SH3PXD2A: variants seen among roughly 807,000 people sequenced by gnomAD.
SH3PXD2A encodes the protein SH3 and PX domain-containing protein 2A.
A neutral mutation model predicts 115.2 loss-of-function variants in SH3PXD2A; 32 were observed. The observed-to-expected ratio is 0.28, with a 90% confidence interval of 0.21 to 0.37. The LOEUF (loss-of-function observed/expected upper bound fraction) is 0.37. Among genes scored for constraint, SH3PXD2A ranks in the 10% least tolerant of loss-of-function variants. The pLI is 1.00. For missense variants in SH3PXD2A, 1,328 were observed against 1,498.7 expected (o/e 0.89, Z 1.88); for synonymous variants, 610 against 629.1 (o/e 0.97, Z 0.45).
intron 8 of SH3PXD2A, among the ~76,000 whole-genome samples, chr10:103,630,283 C>T (rs577204638): frequency 1.4e-4 from 22 of 152,306 alleles, no homozygotes; most frequent in Admixed American, 9.2e-4. Context: ...TCTCAGGAAC[C>T]CCAGCAGCCT....
In SH3PXD2A at chr10:103,844,711, T is replaced by A. The variant is rs139178582; in HGVS notation, c.72+10484A>T. Among the ~76,000 whole-genome samples, 196 of 152,346 alleles carry A rather than the reference T, an allele frequency of 1.3e-3. 1 individual carries two copies. The highest frequency in any genetic ancestry group is 4.5e-3 in the African/African-American group (188 of 41,578). On this transcript the variant is annotated intron_variant, in intron 1 of 14. Transcript: ENST00000369774. ...CACATCTGCCTGGGTTTGTGCTTTCTTAACAATGCTACCTGCACTCTCCAA... is the reference window on the plus strand; with the variant it reads ...CACATCTGCCTGGGTTTGTGCTTTCATAACAATGCTACCTGCACTCTCCAA...
At chr10:103,702,334 G>A (rs556224405) in intron 5 of SH3PXD2A, among the ~76,000 whole-genome samples, 27 of 152,304 alleles carry the variant, frequency 1.8e-4, no homozygotes, top group Non-Finnish European at 3.4e-4. Flanking sequence ...AAACACCCAC[G>A]AAAAGACAAC....
chr10:103,780,955 C>T (rs1034245087), intron 2 of SH3PXD2A, among the ~76,000 whole-genome samples: 2 of 152,180 alleles, frequency 1.3e-5, no homozygotes, highest in Non-Finnish European at 2.9e-5. Flanking sequence ...GTCACACGCC[C>T]TGCCACCCTT....
In SH3PXD2A at chr10:103,808,944, C is replaced by G. The variant is rs112442381; in HGVS notation, c.73-7582G>C. On this transcript the variant is annotated intron_variant, in intron 1 of 14. Transcript: ENST00000369774. ...GCCAAAGAGGTGGCTAGTAGCAACA[C>G]TTGGAGACTGTCCCCATTCCCAGAA... Among the ~76,000 whole-genome samples, 591 of 152,338 alleles carry G rather than the reference C, an allele frequency of 3.9e-3. 1 individual carries two copies. Among genetic ancestry groups the G allele is most frequent in the African/African-American group, 0.013 (538 of 41,574 alleles).
intron 2 of SH3PXD2A, among the ~76,000 whole-genome samples, chr10:103,782,941 G>T (rs1308572512): frequency 6.6e-6 from 1 of 151,886 alleles, no homozygotes; most frequent in Non-Finnish European, 1.5e-5. Context: ...CTTGGGGGGG[G>T]GGGCTCTCTG....
intron 2 of SH3PXD2A, among the ~76,000 whole-genome samples, chr10:103,778,318 C>T (rs908852610): frequency 5.9e-5 from 9 of 152,150 alleles, no homozygotes; most frequent in Admixed American, 2.6e-4. Flanking sequence ...GGCGATAGAG[C>T]GAGACTCCGT....
At chr10:103,617,352 C>T (rs200046317) in intron 10 of SH3PXD2A, 38 bp from the exon 11 acceptor site, 40 of 1,458,792 alleles carry the variant, frequency 2.7e-5, no homozygotes, top group East Asian at 2.3e-4. Flanking sequence ...TATTTGAGGT[C>T]GGGGTGCAGG....
intron 8 of SH3PXD2A, among the ~76,000 whole-genome samples, chr10:103,648,379 A>T (rs1419792894): frequency 6.6e-6 from 1 of 152,146 alleles, no homozygotes; most frequent in African/African-American, 2.4e-5. Flanking sequence ...GGCCAAGGAA[A>T]ACTGCATTCT....
intron 9 of SH3PXD2A, among the ~76,000 whole-genome samples, chr10:103,623,007 C>T (rs1461021481): frequency 1.3e-5 from 2 of 152,166 alleles, no homozygotes; most frequent in South Asian, 2.1e-4. Flanking sequence ...TGACTGTGAA[C>T]GTGCTACCTT....
intron 3 of SH3PXD2A, among the ~76,000 whole-genome samples, chr10:103,764,274 G>A (rs2038731088): frequency 6.6e-6 from 1 of 152,166 alleles, no homozygotes; most frequent in African/African-American, 2.4e-5. Flanking sequence ...CAGGGTTAAG[G>A]TAGTTTCTAG....
chr10:103,616,380 A>T (rs1427350992), intron 11 of SH3PXD2A, among the ~76,000 whole-genome samples: 1 of 152,220 alleles, frequency 6.6e-6, no homozygotes, highest in Non-Finnish European at 1.5e-5. Context: ...CAGCTGAGCC[A>T]GTTCCAAGGA....
chr10:103,758,922 A>G (rs958544118), intron 3 of SH3PXD2A, among the ~76,000 whole-genome samples: 3 of 151,952 alleles, frequency 2.0e-5, no homozygotes, highest in African/African-American at 7.3e-5. Context: ...AAACTTCTCA[A>G]CCTCTCTTCC....
Position 103,620,733 on chromosome 10 carries a change from G to A in SH3PXD2A, c.802+1737C>T, listed in dbSNP as rs1317806984. On this transcript the variant is annotated intron_variant, in intron 10 of 14. Transcript: ENST00000369774. This position sits in a 1 kb window ranked among gnomAD's most constrained non-coding sequence, Gnocchi z 5.3. ...CTCTTATTTAAGAGAGAGAGAGAGA[G>A]AGAGCAAGAGCTGGGGGCTTATATT... 2.0e-5 allele frequency among the ~76,000 whole-genome samples: 3 copies of A among 152,240 alleles called. No individual in the cohort carries two copies. Among genetic ancestry groups the A allele is most frequent in the African/African-American group, 7.2e-5 (3 of 41,454 alleles).
intron 8 of SH3PXD2A, among the ~76,000 whole-genome samples, chr10:103,635,640 T>C (rs2036852884): frequency 6.6e-6 from 1 of 152,326 alleles, no homozygotes; most frequent in South Asian, 2.1e-4. Context: ...TTCTGGAGTC[T>C]CTAGCCCTGG....
chr10:103,796,053 C>T (rs183489388), intron 2 of SH3PXD2A, among the ~76,000 whole-genome samples: 4 of 152,212 alleles, frequency 2.6e-5, no homozygotes, highest in African/African-American at 9.6e-5. Context: ...CCCTAGGCTG[C>T]TGTCACTAAT....
chr10:103,713,724 T>C (rs2038072113), intron 5 of SH3PXD2A, among the ~76,000 whole-genome samples: 1 of 152,216 alleles, frequency 6.6e-6, no homozygotes, highest in African/African-American at 2.4e-5. Flanking sequence ...TCTTCCCCAT[T>C]ATCAGCAGCT....
intron 3 of SH3PXD2A, among the ~76,000 whole-genome samples, chr10:103,748,008 C>A (rs1011882788): frequency 1.3e-5 from 2 of 148,262 alleles, no homozygotes; most frequent in African/African-American, 5.3e-5. Flanking sequence ...AGACAGTCAA[C>A]TCTCTTCATC....
At chr10:103,762,057 C>T (rs986790796) in intron 3 of SH3PXD2A, among the ~76,000 whole-genome samples, 8 of 126,628 alleles carry the variant, frequency 6.3e-5, no homozygotes, top group Non-Finnish European at 4.8e-5. Context: ...GAGTCTCGCT[C>T]TGTCACCCAG....
chr10:103,652,418 A>G (rs1391903630), intron 8 of SH3PXD2A, among the ~76,000 whole-genome samples: 2 of 152,190 alleles, frequency 1.3e-5, no homozygotes, highest in Non-Finnish European at 2.9e-5. Flanking sequence ...CAGCACTGGA[A>G]ACCCAGAGGA....
Sources: allele counts gnomAD v4.1 joint callset (sites outside exome capture counted in the v4.1 genomes callset), GRCh38; gene constraint gnomAD v4.1.1; non-coding constraint Gnocchi (gnomAD v3.1); transcripts MANE v1.5; gene names NCBI Gene and HGNC (gene_info 2026-07-23, HGNC 2026-07-21).